Variants in DGAT1 observed in about 807,000 individuals in gnomAD.
The protein encoded by DGAT1 is ACAT related gene product 1.
DGAT1 carries 60 observed loss-of-function variants against 72.6 expected under a neutral mutation model. The ratio of observed to expected loss-of-function variants is 0.83; its 90% confidence interval spans 0.67 to 1.02. The LOEUF (loss-of-function observed/expected upper bound fraction) is 1.02. DGAT1 is among the 50% of genes least tolerant of loss of function. DGAT1 has a pLI of 0.00. For missense variants in DGAT1, 592 were observed against 670.0 expected, an observed-to-expected ratio of 0.88 and a Z score of 1.29; for synonymous variants, 290 against 267.5, an observed-to-expected ratio of 1.08 and a Z score of -0.82.
In DGAT1 at chr8:144,326,838, C is replaced by A; in HGVS notation, c.-202G>T. ...CCTCAAGGACAACGGCTGCGTTGCTCCGGAGCCGCTAACTAATGGACGGCC... is the reference window on the plus strand; with the variant it reads ...CCTCAAGGACAACGGCTGCGTTGCTACGGAGCCGCTAACTAATGGACGGCC... On this transcript the variant is annotated 5_prime_UTR_variant, in exon 1 of 17. Transcript: ENST00000528718. 3.6e-6 allele frequency: 1 copy of A among 274,848 alleles called. No individual in the cohort carries two copies. Among genetic ancestry groups the A allele is most frequent in the Non-Finnish European group, 6.2e-6 (1 of 161,184 alleles). 17.0% of individuals were successfully genotyped at this position (274,848 alleles called of 1,614,324 possible).
At chr8:144,322,411 C>G (rs1036412384) in intron 1 of DGAT1, among the ~76,000 whole-genome samples, 1 of 152,222 alleles carries the variant, frequency 6.6e-6, no homozygotes, top group African/African-American at 2.4e-5. Flanking sequence ...CTCCCGCACA[C>G]GCACATCTGC....
In DGAT1 at chr8:144,326,753, G is replaced by A. The variant is rs1475783094; in HGVS notation, c.-117C>T. On this transcript the variant is annotated 5_prime_UTR_variant, in exon 1 of 17. Transcript: ENST00000528718. The stretch of plus-strand genomic sequence containing the variant: ...CGGCCGCCACTGCCCCCTGCCGGCC[G>A]CCGTAGCCCGGGTGACCGCCTCACC... The A allele has an allele frequency of 5.6e-6, 5 of 891,452 alleles. No individual in the cohort carries two copies. The highest frequency in any genetic ancestry group is 7.3e-5 in the East Asian group (1 of 13,710). 55.2% of individuals were successfully genotyped at this position (891,452 alleles called of 1,614,324 possible).
intron 1 of DGAT1, 135 bp from the exon 2 acceptor site, chr8:144,321,543 G>C: frequency 1.3e-6 from 1 of 752,336 alleles, no homozygotes; most frequent in Non-Finnish European, 2.3e-6. Flanking sequence ...AGGAGGAGAA[G>C]CCAGGCAGAG....
chr8:144,323,603 C>T (rs1817518425), intron 1 of DGAT1, among the ~76,000 whole-genome samples: 1 of 152,154 alleles, frequency 6.6e-6, no homozygotes. Flanking sequence ...ACTGGAGGAT[C>T]TGCCCAAGCC....
In DGAT1 at chr8:144,315,482, G is replaced by A. The variant is rs1409738398; in HGVS notation, c.*1072C>T. The A allele has an allele frequency of 1.0e-6, 1 of 985,622 alleles. No individual in the cohort carries two copies. The highest frequency in any genetic ancestry group is 1.2e-6 in the Non-Finnish European group (1 of 830,052). 61.1% of individuals were successfully genotyped at this position (985,622 alleles called of 1,614,324 possible). ...CCTGCCTTGTTGGGCCATAGCTGCA[G>A]GTCTGGGGACACCAGGGCCTGGTCC... On this transcript the variant is annotated 3_prime_UTR_variant, in exon 17 of 17. Coordinates refer to ENST00000528718, the MANE Select transcript of DGAT1 (RefSeq NM_012079.6).
chr8:144,318,507 C>T lies in DGAT1; in HGVS notation c.528G>A (p.Leu176=), dbSNP rs782038797. ...LLHVANLATI[L]CFPAAVVLLV... The stretch of plus-strand genomic sequence containing the variant: ...GTAAGACCACAGCCGCTGGGAAACA[C>T]AGAATGGTGGCCAGGTTGGCCACGT... The change falls in exon 6 of 17, where the codon CTG becomes CTA. Residue 176 remains leucine, a synonymous_variant. Coordinates refer to ENST00000528718, the MANE Select transcript of DGAT1 (RefSeq NM_012079.6). 6.2e-7 allele frequency: 1 copy of T among 1,611,946 alleles called. No homozygotes were observed. The highest frequency in any genetic ancestry group is 1.1e-5 in the South Asian group (1 of 91,054).
intron 5 of DGAT1, 24 bp from the exon 6 acceptor site, chr8:144,318,590 A>G: frequency 1.2e-6 from 2 of 1,608,878 alleles, no homozygotes; most frequent in African/African-American, 1.3e-5. Context: ...CAGAGCACTC[A>G]ACCAGGGCTC....
At position 144,315,839 on chromosome 8, in the gene DGAT1, A is replaced by C. The variant is rs1817189617; in HGVS notation, c.*715T>G. The C allele has an allele frequency of 1.0e-6, 1 of 985,226 alleles. No individual in the cohort carries two copies. The highest frequency in any genetic ancestry group is 4.7e-5 in the South Asian group (1 of 21,300). 61.0% of individuals were successfully genotyped at this position (985,226 alleles called of 1,614,324 possible). ...CCAAACCGAGCCCTGCCCCAAGGCG[A>C]ATAGCCATGGACATAGCCATTGTGT... On this transcript the variant is annotated 3_prime_UTR_variant, in exon 17 of 17. Transcript: ENST00000528718.
rs1288363749 is a variant in DGAT1, at chr8:144,319,064, A to C, written c.293T>G (p.Leu98Trp). 7 of 1,554,502 alleles carry C rather than the reference A, an allele frequency of 4.5e-6. No individual in the cohort carries two copies. The highest frequency in any genetic ancestry group is 6.1e-6 in the Non-Finnish European group (7 of 1,148,874). Residue 98 changes from leucine to tryptophan, a missense_variant, in exon 3 of 17, where the codon TTG (leucine) becomes TGG (tryptophan). Coordinates refer to ENST00000528718, the MANE Select transcript of DGAT1 (RefSeq NM_012079.6). ...ILNWCVVMLI[L>W]SNARLFLENL... ...CTCCAGAAATAACCGGGCATTGCTCAAGATCTGCGAGGGATGGACAGGAGG... is the reference window on the plus strand; with the variant it reads ...CTCCAGAAATAACCGGGCATTGCTCCAGATCTGCGAGGGATGGACAGGAGG...
chr8:144,319,577 G>A (rs1817385202), intron 2 of DGAT1, among the ~76,000 whole-genome samples: 1 of 152,192 alleles, frequency 6.6e-6, no homozygotes, highest in East Asian at 1.9e-4. Context: ...TTCTCTGCAG[G>A]AGCAGTGTCC....
intron 12 of DGAT1, 39 bp from the exon 13 acceptor site, chr8:144,317,484 C>G: frequency 1.2e-6 from 2 of 1,613,706 alleles, no homozygotes; most frequent in Non-Finnish European, 1.7e-6. Context: ...GTTCTAGAAC[C>G]TTCCCCCACA....
rs1342983380 is a variant in DGAT1 at position 144,315,464 on chromosome 8, T to C, written c.*1090A>G. 2.6e-5 allele frequency: 26 copies of C among 985,422 alleles called. No homozygotes were observed. The highest frequency in any genetic ancestry group is 3.0e-5 in the Non-Finnish European group (25 of 830,008). 61.0% of individuals were successfully genotyped at this position (985,422 alleles called of 1,614,324 possible). ...GCAGGGCCTCCTCAAACACCTGCCT[T>C]GTTGGGCCATAGCTGCAGGTCTGGG... On this transcript the variant is annotated 3_prime_UTR_variant, in exon 17 of 17. Transcript: ENST00000528718.
At chr8:144,322,060 C>T (rs913539947) in intron 1 of DGAT1, among the ~76,000 whole-genome samples, 23 of 152,202 alleles carry the variant, frequency 1.5e-4, no homozygotes, top group African/African-American at 4.8e-4. Flanking sequence ...GGAACCCACC[C>T]GGGGCTAGGT....
Position 144,315,602 on chromosome 8 carries a change from G to A in DGAT1, c.*952C>T. 1 of 985,688 alleles carries A rather than the reference G, an allele frequency of 1.0e-6. No individual in the cohort carries two copies. 61.1% of individuals were successfully genotyped at this position (985,688 alleles called of 1,614,324 possible). ...CTGACCTCCCGCTACCATCAAGGGG[G>A]GCCCCATCTATCCAGCTTGGTGGAT... On this transcript the variant is annotated 3_prime_UTR_variant, in exon 17 of 17. Coordinates refer to ENST00000528718, the MANE Select transcript of DGAT1 (RefSeq NM_012079.6).
In DGAT1 at chr8:144,314,702, A is replaced by G. The variant is rs911347812; in HGVS notation, c.*1852T>C. ...ACGGACAAGACAGGCAGAGATCTAT[A>G]AACAGACAGGCTCTATGCTATGGCC... On this transcript the variant is annotated 3_prime_UTR_variant, in exon 17 of 17. Transcript: ENST00000528718. The G allele has an allele frequency of 7.6e-6, 2 of 262,384 alleles. No homozygotes were observed. Among genetic ancestry groups the G allele is most frequent in the African/African-American group, 2.2e-5 (1 of 46,354 alleles). The allele number at this position is 262,384 out of a possible 1,614,324, so 16.3% of individuals were successfully genotyped here. A position where few individuals can be genotyped will look rare whatever the true frequency, so the allele number is the denominator to read the frequency against.
Position 144,315,054 on chromosome 8 carries a change from C to A in DGAT1, c.*1500G>T. On this transcript the variant is annotated 3_prime_UTR_variant, in exon 17 of 17. Transcript: ENST00000528718. ...CCAGAGCCAGCACCCTGTGTAGGCA[C>A]GGGGAACGGGAGCCTGTCCCGTAGC... is the stretch of plus-strand genomic sequence containing the variant. 1 of 985,330 alleles carries A rather than the reference C, an allele frequency of 1.0e-6. No homozygotes were observed. Among genetic ancestry groups the A allele is most frequent in the South Asian group, 4.7e-5 (1 of 21,274 alleles). 61.0% of individuals were successfully genotyped at this position (985,330 alleles called of 1,614,324 possible).
At chr8:144,321,277 C>A in intron 2 of DGAT1, 44 bp downstream of exon 2, 2 of 1,583,604 alleles carry the variant, frequency 1.3e-6, no homozygotes, top group Non-Finnish European at 1.7e-6. Context: ...GGGACAGAGC[C>A]CCACCTGGAC....
intron 2 of DGAT1, 36 bp from the exon 3 acceptor site, chr8:144,319,104 G>A (rs1588683694): frequency 6.4e-7 from 1 of 1,550,994 alleles, no homozygotes. Context: ...AGCCCCTTTA[G>A]TCCTGGCCAC....
In DGAT1 at chr8:144,316,033, G is replaced by T; in HGVS notation, c.*521C>A. 1.4e-6 allele frequency: 1 copy of T among 708,400 alleles called. No individual in the cohort carries two copies. The highest frequency in any genetic ancestry group is 1.7e-6 in the Non-Finnish European group (1 of 575,096). 43.9% of individuals were successfully genotyped at this position (708,400 alleles called of 1,614,324 possible). ...TGACCATCCTGCACTGAGGGCCAGA[G>T]TGCCGATTCCCGCACACCCAGCAGG... On this transcript the variant is annotated 3_prime_UTR_variant, in exon 17 of 17. Coordinates refer to ENST00000528718, the MANE Select transcript of DGAT1 (RefSeq NM_012079.6).
Sources: gnomAD v4.1 joint callset for allele counts (sites outside exome capture counted in the v4.1 genomes callset) on GRCh38, gnomAD v4.1.1 for gene constraint, MANE v1.5 for transcripts, NCBI Gene and HGNC (gene_info 2026-07-23, HGNC 2026-07-21) for gene names.